The following DOCK6 variants were observed in gnomAD, a reference collection of about 807,000 sequenced individuals.
DOCK6 encodes the protein dedicator of cytokinesis protein 6.
DOCK6 carries 167 observed loss-of-function variants against 230.3 expected under a neutral mutation model. The observed-to-expected ratio is 0.73, with a 90% confidence interval of 0.64 to 0.82. DOCK6 has a LOEUF of 0.82. Ranked by LOEUF, DOCK6 falls within the 40% of genes least tolerant of loss-of-function variation. DOCK6 has a pLI of 0.00. For synonymous variants in DOCK6, 1,148 were observed against 1,185.0 expected (o/e 0.97, Z 0.64); for missense variants, 2,598 against 2,825.8 (o/e 0.92, Z 1.83).
At position 11,201,994 on chromosome 19, in the gene DOCK6, G is replaced by T; in HGVS notation, c.5583C>A (p.Arg1861=). 1 of 1,614,016 alleles carries T rather than the reference G, an allele frequency of 6.2e-7. No individual in the cohort carries two copies. Among genetic ancestry groups the T allele is most frequent in the Non-Finnish European group, 8.5e-7 (1 of 1,179,890 alleles). Residue 1861 remains arginine (R), a synonymous_variant, in exon 44 of 48, where the codon CGC becomes CGA. Transcript: ENST00000294618. This position sits in a 1 kb window ranked among gnomAD's most constrained non-coding sequence, Gnocchi z 4.3. ...GTTGCTCGGGCAGCTCCCCGTGTGC[G>T]CGCCCATCCGGCGTGAACGGCGTGC... is the stretch of plus-strand genomic sequence containing the variant. ...LFCTPFTPDG[R]AHGELPEQHK... is the part of the protein sequence containing the mutation.
intron 6 of DOCK6, among the ~76,000 whole-genome samples, chr19:11,250,399 T>C (rs989119374): frequency 6.6e-6 from 1 of 151,768 alleles, no homozygotes; most frequent in African/African-American, 2.4e-5. Flanking sequence ...ACTGCAGCCT[T>C]CACCTCCCGG....
intron 34 of DOCK6, 24 bp from the exon 35 acceptor site, chr19:11,213,352 C>T (rs2079426385): frequency 1.2e-6 from 2 of 1,602,990 alleles, no homozygotes; most frequent in African/African-American, 1.3e-5. Context: ...CCCAGACAGA[C>T]ACTGTCCAGC....
chr19:11,222,288 G>A lies in DOCK6; in HGVS notation c.3241-40C>T. 6.4e-7 allele frequency: 1 copy of A among 1,568,420 alleles called. No individual in the cohort carries two copies. The highest frequency in any genetic ancestry group is 1.9e-4 in the Middle Eastern group (1 of 5,282). On this transcript the variant is annotated intron_variant, in intron 26 of 47. Coordinates refer to ENST00000294618, the MANE Select transcript of DOCK6 (RefSeq NM_020812.4). The surrounding 1 kb of genome is among the most constrained non-coding windows in gnomAD (Gnocchi z 4.0). Reference sequence around the variant, plus strand: ...AAAAATGGGGGATGCCAGCGGTCAAGGGTCAGAGGTGGCAGGTCACCATTA... The same window carrying A: ...AAAAATGGGGGATGCCAGCGGTCAAAGGTCAGAGGTGGCAGGTCACCATTA...
At chr19:11,253,449 G>A (rs2080151675) in intron 2 of DOCK6, among the ~76,000 whole-genome samples, 190 bp downstream of exon 2, 1 of 152,124 alleles carries the variant, frequency 6.6e-6, no homozygotes, top group South Asian at 2.1e-4. Context: ...AGGGAGAGTG[G>A]CCACAGGAAT....
Position 11,243,205 on chromosome 19 carries a change from G to T in DOCK6, c.1386+53C>A. The T allele has an allele frequency of 6.2e-7, 1 of 1,613,462 alleles. No homozygotes were observed. The highest frequency in any genetic ancestry group is 2.2e-5 in the East Asian group (1 of 44,846). ...GGGCCAGGGGGCTAGGGGTCCCCAGGGCTAATGCAGCCAGCGGGGAGTGGG... is the reference window on the plus strand; with the variant it reads ...GGGCCAGGGGGCTAGGGGTCCCCAGTGCTAATGCAGCCAGCGGGGAGTGGG... On this transcript the variant is annotated intron_variant, in intron 12 of 47. Transcript: ENST00000294618. This position sits in a 1 kb window ranked among gnomAD's most constrained non-coding sequence, Gnocchi z 6.3.
chr19:11,234,883 C>T (rs927988056), intron 21 of DOCK6, among the ~76,000 whole-genome samples: 2 of 152,200 alleles, frequency 1.3e-5, no homozygotes, highest in Admixed American at 6.5e-5. Context: ...CCTGTGAGGC[C>T]TCAGGGCCTT....
chr19:11,250,684 T>C (rs1252500248), intron 6 of DOCK6, among the ~76,000 whole-genome samples, 190 bp downstream of exon 6: 2 of 152,116 alleles, frequency 1.3e-5, no homozygotes, highest in South Asian at 2.1e-4. Context: ...TAGGGGTATA[T>C]AGTAGGTGTC....
rs749747355 is a variant in DOCK6, at chr19:11,209,029, T to C, written c.4826A>G (p.Glu1609Gly). The stretch of plus-strand genomic sequence containing the variant: ...GGCGGCCTCGGCGTGGTTGCCCAGC[T>C]CCGCGTGCTTCCCGGCCATGTTCTG... ...WLQNMAGKHA[E>G]LGNHAEAAQC... Residue 1609 changes from glutamate (E) to glycine (G), a missense_variant, in exon 38 of 48, where the codon GAG (glutamate) becomes GGG (glycine). Coordinates refer to ENST00000294618, the MANE Select transcript of DOCK6 (RefSeq NM_020812.4). 6.2e-7 allele frequency: 1 copy of C among 1,611,912 alleles called. No individual in the cohort carries two copies. The highest frequency in any genetic ancestry group is 8.5e-7 in the Non-Finnish European group (1 of 1,179,322).
At position 11,242,149 on chromosome 19, in the gene DOCK6, A is replaced by AG; in HGVS notation, c.1538dup (p.Glu514Ter). The AG allele has an allele frequency of 6.8e-7, 1 of 1,478,506 alleles. No individual in the cohort carries two copies. The highest frequency in any genetic ancestry group is 9.0e-7 in the Non-Finnish European group (1 of 1,116,456). 91.6% of individuals were successfully genotyped at this position (1,478,506 alleles called of 1,614,324 possible). A position where few individuals can be genotyped will look rare whatever the true frequency, so the allele number is the denominator to read the frequency against. On this transcript the variant is annotated frameshift_variant, in exon 14 of 48. Coordinates refer to ENST00000294618, the MANE Select transcript of DOCK6 (RefSeq NM_020812.4). LOFTEE classifies it high-confidence loss of function. The stretch of plus-strand genomic sequence containing the variant: ...GGTAGGGCTTGATATGAAGCAGCTC[A>AG]GGGGAGAGGCAGAAGTGGGGATTTT...
chr19:11,244,059 C>T (rs915037739), intron 9 of DOCK6, among the ~76,000 whole-genome samples, 177 bp from the exon 10 acceptor site: 18 of 152,218 alleles, frequency 1.2e-4, no homozygotes, highest in African/African-American at 3.9e-4. Context: ...TTAGTGTTGG[C>T]CTGCCTGGTG....
chr19:11,232,537 A>G (rs927409037), intron 22 of DOCK6, among the ~76,000 whole-genome samples: 1 of 152,146 alleles, frequency 6.6e-6, no homozygotes, highest in Admixed American at 6.5e-5. Flanking sequence ...GTGTATACAC[A>G]CCCGTACACA....
In DOCK6 at chr19:11,236,269, T is replaced by C. The variant is rs903703775; in HGVS notation, c.2392+77A>G. ...ATGGCCAGAGAGGTAAATGGGCTTA[T>C]AGAAGATCCCTCAGGACCTCAGGAC... On this transcript the variant is annotated intron_variant, in intron 20 of 47. Coordinates refer to ENST00000294618, the MANE Select transcript of DOCK6 (RefSeq NM_020812.4). The surrounding 1 kb of genome is among the most constrained non-coding windows in gnomAD (Gnocchi z 5.2). The C allele has an allele frequency of 5.2e-6, 7 of 1,343,100 alleles. No homozygotes were observed. The highest frequency in any genetic ancestry group is 2.5e-5 in the East Asian group (1 of 39,466). The allele number at this position is 1,343,100 out of a possible 1,614,324, so 83.2% of individuals were successfully genotyped here.
chr19:11,235,700 T>G lies in DOCK6; in HGVS notation c.2452A>C (p.Ser818Arg), dbSNP rs755278892. The G allele has an allele frequency of 1.9e-6, 3 of 1,601,106 alleles. No homozygotes were observed. The highest frequency in any genetic ancestry group is 2.6e-6 in the Non-Finnish European group (3 of 1,173,788). Reference sequence around the variant, plus strand: ...CGGGCATCCTGGGCTGCCTCCAGGCTCCGGTGAACAAGGCTGACTACATGG... The same window carrying G: ...CGGGCATCCTGGGCTGCCTCCAGGCGCCGGTGAACAAGGCTGACTACATGG... Reference protein sequence around the residue: ...MAHVVSLVHRSLEAAQDARGH... With the variant: ...MAHVVSLVHRRLEAAQDARGH... Residue 818 changes from serine (S) to arginine (R), a missense_variant, in exon 21 of 48, where the codon AGC becomes CGC. Coordinates refer to ENST00000294618, the MANE Select transcript of DOCK6 (RefSeq NM_020812.4).
chr19:11,256,969 G>A (rs58466740), intron 1 of DOCK6, among the ~76,000 whole-genome samples: 4,125 of 151,888 alleles, frequency 0.027, 182 homozygotes, highest in African/African-American at 0.093. Flanking sequence ...GTGAGCCACC[G>A]AGCCCGGCCT....
At chr19:11,262,360 G>T (rs758415273) in intron 1 of DOCK6, 37 bp downstream of exon 1, 1 of 1,234,764 alleles carries the variant, frequency 8.1e-7, no homozygotes, top group Admixed American at 4.1e-5. Context: ...GCCGGGCCAC[G>T]TGGGGGAGGT....
chr19:11,234,188 C>T (rs988867593), intron 21 of DOCK6, among the ~76,000 whole-genome samples: 55 of 150,646 alleles, frequency 3.7e-4, no homozygotes, highest in Admixed American at 3.1e-3. Context: ...TTAGTAGAAA[C>T]GGGGTTTCAC....
At chr19:11,235,075 T>C (rs1370698793) in intron 21 of DOCK6, among the ~76,000 whole-genome samples, 1 of 152,168 alleles carries the variant, frequency 6.6e-6, no homozygotes, top group African/African-American at 2.4e-5. Context: ...CCTGAGTAGC[T>C]GGGGCTACAG....
At chr19:11,225,869 A>G (rs1247594617) in intron 24 of DOCK6, among the ~76,000 whole-genome samples, 2 of 68,352 alleles carry the variant, frequency 2.9e-5, no homozygotes, top group Non-Finnish European at 4.7e-5. Flanking sequence ...TGACTCTACT[A>G]AAAAAAAAAA....
chr19:11,210,119 C>T (rs1343658454), intron 37 of DOCK6, among the ~76,000 whole-genome samples: 1 of 147,330 alleles, frequency 6.8e-6, no homozygotes, highest in Non-Finnish European at 1.5e-5. Flanking sequence ...TCTCACCTGT[C>T]TATCCCCTTA....
Sources: allele counts gnomAD v4.1 joint callset (sites outside exome capture counted in the v4.1 genomes callset), GRCh38; gene constraint gnomAD v4.1.1; non-coding constraint Gnocchi (gnomAD v3.1); transcripts MANE v1.5; gene names NCBI Gene and HGNC (gene_info 2026-07-23, HGNC 2026-07-21).